Variants in FGGY observed in about 807,000 individuals in gnomAD.
FGGY encodes FGGY carbohydrate kinase domain containing, also known as FGGY carbohydrate kinase domain-containing protein.
Under a neutral mutation model 71.3 loss-of-function variants are expected in FGGY, and 72 were observed. The ratio of observed to expected loss-of-function variants is 1.01; its 90% CI spans 0.84 to 1.23. FGGY has a LOEUF of 1.23. Ranked by LOEUF, FGGY falls within the 50% of genes most tolerant of loss-of-function variation. The pLI is 0.00. For missense variants in FGGY, 668 were observed against 682.3 expected, an observed-to-expected ratio of 0.98 and a Z score of 0.23; for synonymous variants, 251 against 250.3, an observed-to-expected ratio of 1.00 and a Z score of -0.02.
intron 14 of FGGY, among the ~76,000 whole-genome samples, chr1:59,740,210 G>T (rs1432772623): frequency 6.6e-6 from 1 of 152,190 alleles, no homozygotes; most frequent in East Asian, 1.9e-4. Context: ...CAATGTGAGT[G>T]TCAATCTCTT....
At chr1:59,748,451 G>C (rs968866341) in intron 14 of FGGY, among the ~76,000 whole-genome samples, 1 of 152,158 alleles carries the variant, frequency 6.6e-6, no homozygotes, top group African/African-American at 2.4e-5. Flanking sequence ...CAAAGATCCT[G>C]GAGAAGACCA....
intron 14 of FGGY, among the ~76,000 whole-genome samples, chr1:59,694,073 G>A (rs2097627188): frequency 6.6e-6 from 1 of 151,608 alleles, no homozygotes; most frequent in South Asian, 2.1e-4. Context: ...AGGCTGAGGA[G>A]GGCGGATTAC....
At chr1:59,505,264 AG>A (rs1192846073) in intron 6 of FGGY, among the ~76,000 whole-genome samples, 1 of 152,212 alleles carries the variant, frequency 6.6e-6, no homozygotes, top group Non-Finnish European at 1.5e-5. Flanking sequence ...ACTTGAGCGT[AG>A]GGGCCTTAAC....
intron 14 of FGGY, chr1:59,699,283 A>T (rs1361879551): frequency 1.0e-6 from 1 of 985,020 alleles, no homozygotes; most frequent in East Asian, 1.1e-4. Flanking sequence ...TTAAAAGGAA[A>T]TTAAAAATTC....
At chr1:59,671,506 G>T (rs2097376934) in intron 13 of FGGY, among the ~76,000 whole-genome samples, 1 of 152,202 alleles carries the variant, frequency 6.6e-6, no homozygotes, top group Non-Finnish European at 1.5e-5. Context: ...ATCCCCACTG[G>T]CCAGTCTCCC....
intron 5 of FGGY, among the ~76,000 whole-genome samples, chr1:59,412,705 G>A (rs976199853): frequency 6.6e-6 from 1 of 152,018 alleles, no homozygotes; most frequent in African/African-American, 2.4e-5. Flanking sequence ...TTGTGTACAG[G>A]TAGACAAAAA....
chr1:59,440,405 T>C (rs1039046326), intron 5 of FGGY, among the ~76,000 whole-genome samples: 16 of 152,124 alleles, frequency 1.1e-4, no homozygotes, highest in Admixed American at 1.0e-3. Context: ...TGATCTCTTT[T>C]GTTTGTGGGT....
intron 6 of FGGY, among the ~76,000 whole-genome samples, chr1:59,460,381 G>C (rs1036601146): frequency 6.6e-6 from 1 of 152,182 alleles, no homozygotes; most frequent in Non-Finnish European, 1.5e-5. Context: ...GCTTGAGTAG[G>C]TAAACAGAGC....
rs2185002 is a variant in FGGY at position 59,718,722 on chromosome 1, C to T, written c.1513-39209C>T. ...ATTCTGAGGTTGAATTTGTCCCATACCACCCCTTCACCTACACATTGACAC... is the reference window on the plus strand; with the variant it reads ...ATTCTGAGGTTGAATTTGTCCCATATCACCCCTTCACCTACACATTGACAC... On this transcript the variant is annotated intron_variant, in intron 14 of 15. Transcript: ENST00000303721. Among the ~76,000 whole-genome samples, 1,012 of 152,260 alleles carry T rather than the reference C, an allele frequency of 6.6e-3. 10 individuals are homozygous for T. The highest frequency in any genetic ancestry group is 0.022 in the African/African-American group (929 of 41,540).
At chr1:59,501,742 C>CT (rs2094230931) in intron 6 of FGGY, among the ~76,000 whole-genome samples, 1 of 152,180 alleles carries the variant, frequency 6.6e-6, no homozygotes, top group South Asian at 2.1e-4. Flanking sequence ...TAGGGAGAAA[C>CT]TTTTTGTGCT....
chr1:59,729,984 C>A (rs866069232), intron 14 of FGGY, among the ~76,000 whole-genome samples: 2 of 152,182 alleles, frequency 1.3e-5, no homozygotes, highest in Non-Finnish European at 2.9e-5. Flanking sequence ...TTTCCCTCCC[C>A]CTGCCAGAGC....
At chr1:59,427,220 C>G (rs528568742) in intron 5 of FGGY, among the ~76,000 whole-genome samples, 10 of 152,202 alleles carry the variant, frequency 6.6e-5, no homozygotes, top group African/African-American at 2.4e-4. Flanking sequence ...GCACCCAGGA[C>G]GGAGGTGAAG....
chr1:59,604,433 A>G (rs1337141511), intron 8 of FGGY, among the ~76,000 whole-genome samples: 2 of 152,224 alleles, frequency 1.3e-5, no homozygotes, highest in African/African-American at 2.4e-5. Flanking sequence ...AGCATGTGCT[A>G]TTCCAGATGA....
intron 11 of FGGY, among the ~76,000 whole-genome samples, chr1:59,642,486 G>T (rs1047689123): frequency 1.3e-5 from 2 of 151,998 alleles, no homozygotes; most frequent in Admixed American, 1.3e-4. Context: ...TTAGCTGGGC[G>T]TGGTGGTGGA....
At position 59,735,305 on chromosome 1, in the gene FGGY, A is replaced by G. The variant is rs541210585; in HGVS notation, c.1513-22626A>G. ...AGGCCTCCTTCCTGCTTTAGTTAAC[A>G]TCTTGTCTCCACAGAACCACATCCA... On this transcript the variant is annotated intron_variant, in intron 14 of 15. Coordinates refer to ENST00000303721, the MANE Select transcript of FGGY (RefSeq NM_018291.5). Among the ~76,000 whole-genome samples the G allele has an allele frequency of 7.6e-4, 115 of 152,086 alleles. 1 individual carries two copies. Among genetic ancestry groups the G allele is most frequent in the Non-Finnish European group, 1.4e-3 (95 of 68,026 alleles).
At chr1:59,549,629 A>G (rs2095577384) in intron 7 of FGGY, among the ~76,000 whole-genome samples, 1 of 152,250 alleles carries the variant, frequency 6.6e-6, no homozygotes, top group Non-Finnish European at 1.5e-5. Context: ...AGTACTTTAT[A>G]TGGCTATAAA....
chr1:59,761,741 C>T (rs979553402), intron 15 of FGGY, among the ~76,000 whole-genome samples: 1 of 152,174 alleles, frequency 6.6e-6, no homozygotes, highest in Non-Finnish European at 1.5e-5. Context: ...GAGCACAGCT[C>T]TAGAAAAGGC....
chr1:59,508,066 C>A (rs143112173), intron 6 of FGGY, among the ~76,000 whole-genome samples: 28 of 152,278 alleles, frequency 1.8e-4, no homozygotes, highest in African/African-American at 6.7e-4. Context: ...TCCCTTTCCC[C>A]GGAGCATGCC....
At chr1:59,618,671 TGG>T (rs1350083025) in intron 9 of FGGY, among the ~76,000 whole-genome samples, 1 of 152,092 alleles carries the variant, frequency 6.6e-6, no homozygotes, top group Non-Finnish European at 1.5e-5. Flanking sequence ...ATATAGTAGA[TGG>T]GCCTAAGAGC....
Sources: gnomAD v4.1 joint callset for allele counts (sites outside exome capture counted in the v4.1 genomes callset) on GRCh38, gnomAD v4.1.1 for gene constraint, MANE v1.5 for transcripts, NCBI Gene and HGNC (gene_info 2026-07-23, HGNC 2026-07-21) for gene names.